Variants in SV2C observed in about 807,000 individuals in gnomAD.
SV2C encodes synaptic vesicle glycoprotein 2C.
A neutral mutation model predicts 79.7 loss-of-function variants in SV2C; 49 were observed. That is an observed-to-expected ratio of 0.61 (90% CI 0.49 to 0.78). The LOEUF (loss-of-function observed/expected upper bound fraction) is 0.78, where lower values mean the gene tolerates loss of function less well. Among genes scored for constraint, SV2C ranks in the 30% least tolerant of loss-of-function variants. The pLI, the probability that SV2C is intolerant of heterozygous loss-of-function variation, is 0.00. For synonymous variants in SV2C, 334 were observed against 333.2 expected, an observed-to-expected ratio of 1.00 and a Z score of -0.03; for missense variants, 833 against 912.9, an observed-to-expected ratio of 0.91 and a Z score of 1.13.
the SV2C span, among the ~76,000 whole-genome samples, chr5:75,971,617 A>G: frequency 6.6e-6 from 1 of 152,276 alleles, no homozygotes; most frequent in African/African-American, 2.4e-5. Context: ...CTAACTTACA[A>G]GGGACATGAA....
At chr5:75,965,408 G>A in the SV2C span, among the ~76,000 whole-genome samples, 4 of 152,150 alleles carry the variant, frequency 2.6e-5, no homozygotes, top group Non-Finnish European at 5.9e-5. Context: ...GGTCATTAGG[G>A]CGAGTCATTG....
chr5:76,149,881 C>T (rs1279857662), intron 2 of SV2C, among the ~76,000 whole-genome samples: 3 of 152,218 alleles, frequency 2.0e-5, no homozygotes, highest in African/African-American at 7.2e-5. Context: ...AATAGTTTCT[C>T]AGTGCCAGAG....
chr5:76,045,215 A>G, the SV2C span, among the ~76,000 whole-genome samples: 17 of 152,154 alleles, frequency 1.1e-4, no homozygotes, highest in Non-Finnish European at 4.4e-5. Flanking sequence ...CGAAGATCAG[A>G]TGGTTTTAGA....
chr5:76,081,047 C>A (rs1746979612), upstream of SV2C, among the ~76,000 whole-genome samples: 1 of 152,140 alleles, frequency 6.6e-6, no homozygotes, highest in Non-Finnish European at 1.5e-5. Context: ...GCAACCTGGT[C>A]TTAAATGGGA....
chr5:76,135,853 C>A (rs1749052087), intron 2 of SV2C, among the ~76,000 whole-genome samples: 1 of 152,088 alleles, frequency 6.6e-6, no homozygotes, highest in Admixed American at 6.5e-5. Context: ...TAAGATTACC[C>A]CTAGGCAGGA....
At chr5:76,150,303 A>G (rs1297890448) in intron 2 of SV2C, among the ~76,000 whole-genome samples, 1 of 149,696 alleles carries the variant, frequency 6.7e-6, no homozygotes, top group Non-Finnish European at 1.5e-5. Context: ...TCAGCCTCCC[A>G]AGTAGCTGAG....
the SV2C span, among the ~76,000 whole-genome samples, chr5:75,871,806 CAAATATAT>C: frequency 2.8e-5 from 4 of 140,380 alleles, no homozygotes; most frequent in African/African-American, 1.1e-4. Flanking sequence ...GACTCTGTCT[CAAATATAT>C]AAATATATAT....
chr5:75,923,572 T>TA, the SV2C span, among the ~76,000 whole-genome samples: 1 of 151,242 alleles, frequency 6.6e-6, no homozygotes, highest in Admixed American at 6.6e-5. Flanking sequence ...CAAATCAGCA[T>TA]AAAAAAAATC....
At chr5:76,013,181 A>G in the SV2C span, among the ~76,000 whole-genome samples, 6 of 152,166 alleles carry the variant, frequency 3.9e-5, no homozygotes, top group East Asian at 5.8e-4. Context: ...CATTGAATCT[A>G]TAAATTACTT....
chr5:75,916,771 A>C, the SV2C span, among the ~76,000 whole-genome samples: 1 of 151,970 alleles, frequency 6.6e-6, no homozygotes, highest in Non-Finnish European at 1.5e-5. Context: ...TACCATGCCC[A>C]GTCCTCATCA....
In SV2C at chr5:76,285,312, C is replaced by G. The variant is rs1747316922; in HGVS notation, c.1047+17C>G. ...TTGTTGGAGGTAACACTTATTATTG[C>G]AGATACTCAGGTAGCCCACCTCTAT... is the stretch of plus-strand genomic sequence containing the variant. On this transcript the variant is annotated intron_variant, in intron 5 of 12. Transcript: ENST00000502798. The G allele has an allele frequency of 6.2e-7, 1 of 1,613,026 alleles. No individual in the cohort carries two copies. The highest frequency in any genetic ancestry group is 1.3e-5 in the African/African-American group (1 of 75,018).
the SV2C span, among the ~76,000 whole-genome samples, chr5:76,022,919 T>C: frequency 1.3e-5 from 2 of 152,216 alleles, no homozygotes; most frequent in South Asian, 4.1e-4. Context: ...AATGTCTGTA[T>C]AGGATATGTT....
intron 2 of SV2C, among the ~76,000 whole-genome samples, chr5:76,184,488 A>C (rs4235695): frequency 0.79 from 120,758 of 152,118 alleles, 48,513 homozygotes; most frequent in East Asian, 0.91. Context: ...TAAAGAAATA[A>C]CTGAGACTGA....
At chr5:76,260,901 G>A (rs1169821185) in intron 4 of SV2C, among the ~76,000 whole-genome samples, 1 of 152,120 alleles carries the variant, frequency 6.6e-6, no homozygotes, top group African/African-American at 2.4e-5. Flanking sequence ...TGTTCTTTTT[G>A]CTTAGGATTG....
the SV2C span, among the ~76,000 whole-genome samples, chr5:76,072,854 G>A: frequency 6.6e-6 from 1 of 152,166 alleles, no homozygotes; most frequent in Non-Finnish European, 1.5e-5. Flanking sequence ...CTGATAATTA[G>A]TGATGTTGAG....
intron 1 of SV2C, among the ~76,000 whole-genome samples, chr5:76,088,187 G>A (rs1206360601): frequency 1.3e-5 from 2 of 152,136 alleles, no homozygotes; most frequent in Admixed American, 6.5e-5. Context: ...CAGCCTCTAA[G>A]CCTCTGTTAT....
At chr5:75,871,409 TAAAAA>T in the SV2C span, among the ~76,000 whole-genome samples, 1 of 152,074 alleles carries the variant, frequency 6.6e-6, no homozygotes, top group Non-Finnish European at 1.5e-5. Flanking sequence ...TACTGGAAAA[TAAAAA>T]TAAAAATTAT....
intron 4 of SV2C, among the ~76,000 whole-genome samples, chr5:76,254,291 A>AG (rs1368589612): frequency 2.6e-5 from 4 of 151,770 alleles, no homozygotes; most frequent in Non-Finnish European, 4.4e-5. Flanking sequence ...AAATTTAAAA[A>AG]TAAATGTAAT....
At chr5:76,154,348 G>A (rs1742657846) in intron 2 of SV2C, among the ~76,000 whole-genome samples, 1 of 152,112 alleles carries the variant, frequency 6.6e-6, no homozygotes, top group Non-Finnish European at 1.5e-5. Flanking sequence ...ACCAGTGATG[G>A]CCTGATTTGA....
Sources: allele counts gnomAD v4.1 joint callset (sites outside exome capture counted in the v4.1 genomes callset), GRCh38; gene constraint gnomAD v4.1.1; transcripts MANE v1.5; gene names NCBI Gene and HGNC (gene_info 2026-07-23, HGNC 2026-07-21).